Variants in PRKCQ observed in about 807,000 individuals in gnomAD.
The protein encoded by PRKCQ is protein kinase C theta.
PRKCQ carries 41 observed loss-of-function variants against 91.2 expected under a neutral mutation model. The ratio of observed to expected loss-of-function variants is 0.45; its 90% confidence interval spans 0.35 to 0.58. The LOEUF is 0.58. PRKCQ is among the 20% of genes least tolerant of loss of function. The pLI is 0.00. For synonymous variants in PRKCQ, 307 were observed against 316.9 expected (o/e 0.97, Z 0.33); for missense variants, 673 against 896.5 (o/e 0.75, Z 3.18).
At chr10:6,562,838 T>G (rs1840684824) in intron 1 of PRKCQ, among the ~76,000 whole-genome samples, 2 of 152,170 alleles carry the variant, frequency 1.3e-5, no homozygotes, top group Non-Finnish European at 2.9e-5. Context: ...AATGGGTTAA[T>G]GGATGCAAAG....
chr10:6,539,357 G>A (rs1373633200), intron 1 of PRKCQ, among the ~76,000 whole-genome samples: 1 of 152,106 alleles, frequency 6.6e-6, no homozygotes, highest in African/African-American at 2.4e-5. Flanking sequence ...AGCAGGCGGT[G>A]AGTGACCGTT....
chr10:6,530,573 C>G (rs1019364045), intron 1 of PRKCQ, among the ~76,000 whole-genome samples: 1 of 152,104 alleles, frequency 6.6e-6, no homozygotes, highest in African/African-American at 2.4e-5. Flanking sequence ...AATAGAGGGA[C>G]AGGGTGGACT....
intron 1 of PRKCQ, 92 bp from the exon 2 acceptor site, chr10:6,515,236 G>A (rs1335763388): frequency 1.3e-6 from 2 of 1,583,156 alleles, no homozygotes; most frequent in Admixed American, 3.6e-5. Context: ...CTTTATCATG[G>A]ACAGCCAGAA....
chr10:6,447,360 T>C (rs1392913846), intron 15 of PRKCQ, among the ~76,000 whole-genome samples: 2 of 151,068 alleles, frequency 1.3e-5, no homozygotes, highest in East Asian at 1.9e-4. Flanking sequence ...CGAGCCATGA[T>C]TGTGCCACTG....
rs1027093337 is a variant in PRKCQ at position 6,479,090 on chromosome 10, C to T, written c.1255G>A (p.Asp419Asn). ...ACCATCGTGCACTCAACATCATCGTCCATCAAGACCACATCTTTCTTTAAG... is the reference window on the plus strand; with the variant it reads ...ACCATCGTGCACTCAACATCATCGTTCATCAAGACCACATCTTTCTTTAAG... ...KALKKDVVLM[D>N]DDVECTMVEK... Residue 419 changes from aspartate to asparagine, a missense_variant, in exon 12 of 18, where the codon GAC (aspartate) becomes AAC (asparagine). Asp to Asn is a conservative substitution (Grantham distance 23). Transcript: ENST00000263125. 4 of 1,614,078 alleles carry T rather than the reference C, an allele frequency of 2.5e-6. No individual in the cohort carries two copies. The Middle Eastern group carries it at 4.9e-4, about 199-fold the overall frequency.
At chr10:6,398,910 C>T in the PRKCQ span, among the ~76,000 whole-genome samples, 1 of 152,104 alleles carries the variant, frequency 6.6e-6, no homozygotes, top group Non-Finnish European at 1.5e-5. Flanking sequence ...CAAGCCACCA[C>T]ACCCAACTAA....
At chr10:6,570,152 A>G (rs1421805985) in intron 1 of PRKCQ, among the ~76,000 whole-genome samples, 1 of 152,168 alleles carries the variant, frequency 6.6e-6, no homozygotes, top group African/African-American at 2.4e-5. Context: ...GCAGGAAGTC[A>G]GGTAAGAGGC....
the PRKCQ span, among the ~76,000 whole-genome samples, chr10:6,404,679 T>A: frequency 1.3e-5 from 2 of 149,262 alleles, no homozygotes; most frequent in Non-Finnish European, 3.0e-5. Flanking sequence ...TCTCTTTCCT[T>A]TCTTCCTTCC....
chr10:6,548,635 A>T (rs1384362272), intron 1 of PRKCQ, among the ~76,000 whole-genome samples: 1 of 148,334 alleles, frequency 6.7e-6, no homozygotes, highest in Non-Finnish European at 1.5e-5. Context: ...TGGCAAGAAC[A>T]AAAAACCAAA....
At chr10:6,562,375 A>G (rs1339245758) in intron 1 of PRKCQ, among the ~76,000 whole-genome samples, 2 of 152,236 alleles carry the variant, frequency 1.3e-5, no homozygotes, top group Non-Finnish European at 2.9e-5. Context: ...GAATGTTCAC[A>G]TGCTTCAGCA....
At chr10:6,565,877 C>T (rs1218644713) in intron 1 of PRKCQ, among the ~76,000 whole-genome samples, 1 of 152,208 alleles carries the variant, frequency 6.6e-6, no homozygotes, top group African/African-American at 2.4e-5. Context: ...TCACGTTCTT[C>T]CTATGCAAGA....
In PRKCQ at chr10:6,427,981, G is replaced by A; in HGVS notation, c.*226C>T. The A allele has an allele frequency of 8.9e-6, 5 of 559,780 alleles. No individual in the cohort carries two copies. Among genetic ancestry groups the A allele is most frequent in the Non-Finnish European group, 1.6e-5 (5 of 317,306 alleles). 34.7% of individuals were successfully genotyped at this position (559,780 alleles called of 1,614,324 possible). A position where few individuals can be genotyped will look rare whatever the true frequency, so the allele number is the denominator to read the frequency against. On this transcript the variant is annotated 3_prime_UTR_variant, in exon 18 of 18. Transcript: ENST00000263125. ...TATGGTTAGTAATGACCTAACTTCAGGAGCGTCTGTGAGACATGTCAGGAG... is the reference window on the plus strand; with the variant it reads ...TATGGTTAGTAATGACCTAACTTCAAGAGCGTCTGTGAGACATGTCAGGAG...
At chr10:6,544,088 A>G (rs1839866256) in intron 1 of PRKCQ, among the ~76,000 whole-genome samples, 1 of 152,208 alleles carries the variant, frequency 6.6e-6, no homozygotes, top group African/African-American at 2.4e-5. Context: ...TACCTTTACC[A>G]TCTTTTGAAG....
At chr10:6,511,715 G>A (rs187341326) in intron 2 of PRKCQ, among the ~76,000 whole-genome samples, 11 of 152,300 alleles carry the variant, frequency 7.2e-5, no homozygotes, top group African/African-American at 2.2e-4. Flanking sequence ...GGGGCCTGGC[G>A]CTTCAGTCTC....
Position 6,510,411 on chromosome 10 carries a change from G to A in PRKCQ, c.318+584C>T, listed in dbSNP as rs116438338. On this transcript the variant is annotated intron_variant, in intron 3 of 17. Transcript: ENST00000263125. The stretch of plus-strand genomic sequence containing the variant: ...AAATTGTAGGAATTGTCAAAGTATA[G>A]AGAGAGAAGACCAAACATTAAATGG... Among the ~76,000 whole-genome samples the A allele has an allele frequency of 7.5e-3, 1,137 of 152,276 alleles. 15 individuals are homozygous for A. Among genetic ancestry groups the A allele is most frequent in the African/African-American group, 0.026 (1,067 of 41,552 alleles).
At chr10:6,548,823 C>T (rs1336520306) in intron 1 of PRKCQ, among the ~76,000 whole-genome samples, 6 of 151,512 alleles carry the variant, frequency 4.0e-5, no homozygotes, top group South Asian at 2.1e-4. Context: ...ACATGGCACA[C>T]GTATACATAT....
Position 6,446,367 on chromosome 10 carries a change from T to G in PRKCQ, c.1648-4286A>C, listed in dbSNP as rs1198339929. Among the ~76,000 whole-genome samples the G allele has an allele frequency of 6.8e-5, 10 of 146,388 alleles. No homozygotes were observed. In the South Asian group the frequency reaches 1.8e-3, roughly 26 times the overall value. On this transcript the variant is annotated intron_variant, in intron 15 of 17. Transcript: ENST00000263125. ...GTCACACTATGCTCAGTTTTTTTTTTTTTTTTTTTTTTTTGGAGACAGAGT... is the reference window on the plus strand; with the variant it reads ...GTCACACTATGCTCAGTTTTTTTTTGTTTTTTTTTTTTTTGGAGACAGAGT...
rs1449359515 is a variant in PRKCQ, at chr10:6,489,252, G to A, written c.790+2431C>T. 3 of 423,190 alleles carry A rather than the reference G, an allele frequency of 7.1e-6. No homozygotes were observed. In the East Asian group the frequency reaches 2.2e-4, roughly 30 times the overall value. 26.2% of individuals were successfully genotyped at this position (423,190 alleles called of 1,614,324 possible). A position where few individuals can be genotyped will look rare whatever the true frequency, so the allele number is the denominator to read the frequency against. ...CATCACCGTGACACCAAGTGAGGTTGTCAGCTAGGATTGAACATAGAGGGA... is the reference window on the plus strand; with the variant it reads ...CATCACCGTGACACCAAGTGAGGTTATCAGCTAGGATTGAACATAGAGGGA... On this transcript the variant is annotated intron_variant, in intron 8 of 17. Transcript: ENST00000263125.
intron 16 of PRKCQ, among the ~76,000 whole-genome samples, chr10:6,432,356 C>T (rs186655005): frequency 2.6e-5 from 4 of 152,304 alleles, no homozygotes; most frequent in East Asian, 1.9e-4. Flanking sequence ...GACCAAACAA[C>T]ATGCTATTGT....
Sources: allele counts gnomAD v4.1 joint callset (sites outside exome capture counted in the v4.1 genomes callset), GRCh38; gene constraint gnomAD v4.1.1; transcripts MANE v1.5; gene names NCBI Gene and HGNC (gene_info 2026-07-23, HGNC 2026-07-21).